The following RBFOX2 variants were observed in gnomAD, a reference collection of about 807,000 sequenced individuals.
RBFOX2 encodes RNA binding protein fox-1 homolog 2.
RBFOX2 carries 10 observed loss-of-function variants against 49.1 expected under a neutral mutation model. The ratio of observed to expected loss-of-function variants is 0.20; its 90% CI spans 0.13 to 0.35. The LOEUF is 0.35. Ranked by LOEUF, RBFOX2 falls within the 10% of genes least tolerant of loss-of-function variation. The pLI is 1.00. For missense variants in RBFOX2, 323 were observed against 486.9 expected (o/e 0.66, Z 3.17); for synonymous variants, 183 against 187.4 (o/e 0.98, Z 0.19).
At chr22:35,873,651 C>A (rs1274542583) in intron 1 of RBFOX2, among the ~76,000 whole-genome samples, 1 of 152,100 alleles carries the variant, frequency 6.6e-6, no homozygotes, top group African/African-American at 2.4e-5. Context: ...TGTTGATATT[C>A]ACAAAAGGAG....
At chr22:35,943,592 A>T (rs749878732), upstream of RBFOX2, among the ~76,000 whole-genome samples, 17 of 152,158 alleles carry the variant, frequency 1.1e-4, no homozygotes, top group Non-Finnish European at 2.4e-4. Context: ...ATCCTTAAGT[A>T]ACTATCAAAA....
intron 1 of RBFOX2, among the ~76,000 whole-genome samples, chr22:35,880,040 C>T (rs1207009027): frequency 2.0e-5 from 3 of 152,086 alleles, no homozygotes; most frequent in Non-Finnish European, 4.4e-5. Context: ...CCTGTAATCC[C>T]AGCTACTCAG....
chr22:35,822,877 T>C (rs967356324), intron 1 of RBFOX2: 4 of 414,688 alleles, frequency 9.6e-6, no homozygotes, highest in African/African-American at 8.6e-5. Flanking sequence ...CAGGCTGGAG[T>C]GCAGTGGCAC....
intron 1 of RBFOX2, among the ~76,000 whole-genome samples, chr22:35,977,724 A>ATATATATATATATATATATC (rs2057248398): frequency 4.7e-4 from 2 of 4,298 alleles, no homozygotes; most frequent in African/African-American, 9.6e-4. Flanking sequence ...TGAATGAACT[A>ATATATATATATATATATATC]TATATATATA....
intron 1 of RBFOX2, among the ~76,000 whole-genome samples, chr22:35,823,594 C>G (rs898995667): frequency 6.6e-6 from 1 of 152,120 alleles, no homozygotes; most frequent in Non-Finnish European, 1.5e-5. Context: ...TTATTTTCTG[C>G]AAAACAAGAT....
Position 36,028,261 on chromosome 22 carries a change from G to A in RBFOX2, c.165C>T (p.Ala55=). 5.2e-6 allele frequency: 8 copies of A among 1,530,556 alleles called. No individual in the cohort carries two copies. The highest frequency in any genetic ancestry group is 7.0e-6 in the Non-Finnish European group (8 of 1,148,714). 94.8% of individuals were successfully genotyped at this position (1,530,556 alleles called of 1,614,324 possible). ...TCACCTGCATCCCGCCGCCACCGTC[G>A]GCCGCCGCCTCCTCAGTGCGCGGCC... The change falls in exon 1 of 14, where the codon GCC becomes GCT. Residue 55 remains alanine (A), a synonymous_variant. Transcript: ENST00000438146.
At chr22:35,828,994 T>C (rs1009815172) in intron 1 of RBFOX2, among the ~76,000 whole-genome samples, 16 of 152,110 alleles carry the variant, frequency 1.1e-4, no homozygotes, top group African/African-American at 3.9e-4. Flanking sequence ...GAGGTTGCAG[T>C]GAGCCGAGAT....
At chr22:35,900,114 C>T (rs2048386992) in intron 1 of RBFOX2, among the ~76,000 whole-genome samples, 1 of 152,084 alleles carries the variant, frequency 6.6e-6, no homozygotes, top group Non-Finnish European at 1.5e-5. Flanking sequence ...CAAGAGGCTA[C>T]TTGTTTTGTT....
intron 1 of RBFOX2, among the ~76,000 whole-genome samples, chr22:35,909,696 C>T (rs536034864): frequency 6.6e-6 from 1 of 152,354 alleles, no homozygotes; most frequent in East Asian, 1.9e-4. Flanking sequence ...ACTGCAACCT[C>T]CGCTTCCCGG....
At chr22:35,926,238 A>T (rs1294925025) in intron 1 of RBFOX2, among the ~76,000 whole-genome samples, 1 of 152,226 alleles carries the variant, frequency 6.6e-6, no homozygotes, top group Admixed American at 6.5e-5. Flanking sequence ...ATTGATTATA[A>T]AAGACCATCG....
upstream of RBFOX2, among the ~76,000 whole-genome samples, chr22:35,963,743 G>C (rs1265745918): frequency 6.6e-6 from 1 of 151,948 alleles, no homozygotes; most frequent in East Asian, 1.9e-4. Context: ...TATTCTTTTT[G>C]TTGTTGTTGT....
At chr22:35,754,832 TG>T (rs1472766104) in intron 9 of RBFOX2, among the ~76,000 whole-genome samples, 1 of 152,230 alleles carries the variant, frequency 6.6e-6, no homozygotes, top group African/African-American at 2.4e-5. Flanking sequence ...TATGTAGTTC[TG>T]GGTAAGTCTC....
chr22:35,776,483 T>TAATA (rs1364244466), intron 4 of RBFOX2, among the ~76,000 whole-genome samples: 1 of 152,174 alleles, frequency 6.6e-6, no homozygotes, highest in African/African-American at 2.4e-5. Context: ...AGGAAGGGAA[T>TAATA]AATAATAAGT....
intron 1 of RBFOX2, among the ~76,000 whole-genome samples, chr22:35,969,970 T>C (rs556397845): frequency 2.6e-5 from 4 of 152,172 alleles, no homozygotes; most frequent in Non-Finnish European, 4.4e-5. Flanking sequence ...TTCTGATAAA[T>C]TGTAGGAGAT....
intron 1 of RBFOX2, among the ~76,000 whole-genome samples, chr22:35,915,871 C>G (rs987028050): frequency 6.6e-6 from 1 of 152,170 alleles, no homozygotes; most frequent in Non-Finnish European, 1.5e-5. Context: ...CCACTCTACA[C>G]TCACTCAAAG....
chr22:35,804,629 A>G (rs1429100737), intron 2 of RBFOX2, among the ~76,000 whole-genome samples: 2 of 152,122 alleles, frequency 1.3e-5, no homozygotes, highest in Non-Finnish European at 2.9e-5. Context: ...GGGTGGAGGA[A>G]GAAACTGTCA....
At chr22:35,816,265 G>C (rs535588729) in intron 1 of RBFOX2, among the ~76,000 whole-genome samples, 2 of 151,830 alleles carry the variant, frequency 1.3e-5, no homozygotes, top group East Asian at 3.9e-4. Flanking sequence ...TTTTTGTTTT[G>C]TTTTGTTTTG....
intron 1 of RBFOX2, among the ~76,000 whole-genome samples, chr22:35,914,177 T>C (rs951378153): frequency 6.6e-6 from 1 of 152,190 alleles, no homozygotes; most frequent in Non-Finnish European, 1.5e-5. Context: ...TAAGTGACCT[T>C]GGGCAAGCTG....
At chr22:35,807,190 G>A (rs1457662205) in intron 2 of RBFOX2, among the ~76,000 whole-genome samples, 3 of 152,148 alleles carry the variant, frequency 2.0e-5, no homozygotes, top group Non-Finnish European at 4.4e-5. Context: ...TATGTAAACA[G>A]TAACTATGAG....
Sources: gnomAD v4.1 joint callset for allele counts (sites outside exome capture counted in the v4.1 genomes callset) on GRCh38, gnomAD v4.1.1 for gene constraint, MANE v1.5 for transcripts, NCBI Gene and HGNC (gene_info 2026-07-23, HGNC 2026-07-21) for gene names.